CDH4: variants seen among roughly 807,000 people sequenced by gnomAD.
CDH4 encodes cadherin-4.
A neutral mutation model predicts 86.0 loss-of-function variants in CDH4; 33 were observed. The observed-to-expected ratio is 0.38, with a 90% CI of 0.29 to 0.51. CDH4 has a LOEUF of 0.51. Among genes scored for constraint, CDH4 ranks in the 20% least tolerant of loss-of-function variants. The pLI, the probability that CDH4 is intolerant of heterozygous loss-of-function variation, is 0.86. For synonymous variants in CDH4, 555 were observed against 549.4 expected (o/e 1.01, Z -0.14); for missense variants, 1,114 against 1,307.4 (o/e 0.85, Z 2.28).
intron 7 of CDH4, among the ~76,000 whole-genome samples, chr20:61,887,270 T>G (rs1466472903): frequency 6.6e-6 from 1 of 151,952 alleles, no homozygotes; most frequent in Non-Finnish European, 1.5e-5. Context: ...CTTCCGGGGG[T>G]CCCCTGGGAG....
intron 2 of CDH4, among the ~76,000 whole-genome samples, chr20:61,605,955 T>C (rs566487105): frequency 1.7e-3 from 250 of 150,136 alleles, no homozygotes; most frequent in African/African-American, 5.9e-3. Flanking sequence ...GACCTCAGCA[T>C]GATTTGCCCC....
At chr20:61,476,159 A>G (rs2085534766) in intron 2 of CDH4, among the ~76,000 whole-genome samples, 1 of 152,142 alleles carries the variant, frequency 6.6e-6, no homozygotes, top group South Asian at 2.1e-4. Context: ...CAACCACATC[A>G]TTTTCACACT....
At chr20:61,531,862 C>T (rs892360488) in intron 2 of CDH4, among the ~76,000 whole-genome samples, 2 of 152,200 alleles carry the variant, frequency 1.3e-5, no homozygotes, top group African/African-American at 4.8e-5. Context: ...TGGGGAAGCA[C>T]AATTTTAAAA....
At chr20:61,753,549 C>G (rs1319085967) in intron 3 of CDH4, among the ~76,000 whole-genome samples, 1 of 152,168 alleles carries the variant, frequency 6.6e-6, no homozygotes, top group Admixed American at 6.5e-5. Flanking sequence ...TATTTCCCAC[C>G]GGAGGGCTGA....
At chr20:61,889,018 C>T (rs1984668912) in intron 7 of CDH4, among the ~76,000 whole-genome samples, 1 of 152,242 alleles carries the variant, frequency 6.6e-6, no homozygotes, top group Non-Finnish European at 1.5e-5. Context: ...TCTCCCCTCC[C>T]TCACGGCCTC....
chr20:61,335,976 C>T (rs1340195622), intron 2 of CDH4, among the ~76,000 whole-genome samples: 1 of 152,102 alleles, frequency 6.6e-6, no homozygotes, highest in Non-Finnish European at 1.5e-5. Flanking sequence ...AAACGCGGCC[C>T]ACATCATGAT....
intron 2 of CDH4, among the ~76,000 whole-genome samples, chr20:61,578,490 G>A (rs948102347): frequency 6.6e-6 from 1 of 152,164 alleles, no homozygotes; most frequent in Admixed American, 6.5e-5. Flanking sequence ...GAAAATTATA[G>A]AACCATCATT....
intron 2 of CDH4, among the ~76,000 whole-genome samples, chr20:61,459,087 C>G (rs2085427175): frequency 1.3e-5 from 2 of 152,172 alleles, no homozygotes; most frequent in South Asian, 4.2e-4. Context: ...CAGTTTGCAG[C>G]TCACACTGTG....
chr20:61,692,623 G>A (rs866434145), intron 2 of CDH4, among the ~76,000 whole-genome samples: 1 of 152,190 alleles, frequency 6.6e-6, no homozygotes, highest in Admixed American at 6.5e-5. Flanking sequence ...TCAGATCTGT[G>A]TCCGTGCGAG....
chr20:61,433,696 TGTGCCCAGGCTCCC>T (rs1213402756), intron 2 of CDH4, among the ~76,000 whole-genome samples: 3 of 152,180 alleles, frequency 2.0e-5, no homozygotes, highest in African/African-American at 7.2e-5. Flanking sequence ...TGGTGGCGCA[TGTGCCCAGGCTCCC>T]GTCGGTCCCT....
At chr20:61,548,294 G>A (rs1206501568) in intron 2 of CDH4, among the ~76,000 whole-genome samples, 3 of 152,212 alleles carry the variant, frequency 2.0e-5, no homozygotes, top group Non-Finnish European at 4.4e-5. Flanking sequence ...GAGGGGAGCT[G>A]AGAGGGCTCC....
rs374793512 is a variant in CDH4 at position 61,675,208 on chromosome 20, G to A, written c.170-68355G>A. Among the ~76,000 whole-genome samples the A allele has an allele frequency of 9.2e-5, 14 of 152,342 alleles. No individual in the cohort carries two copies. In the East Asian group the frequency reaches 1.5e-3, roughly 17 times the overall value. On this transcript the variant is annotated intron_variant, in intron 2 of 15. Coordinates refer to ENST00000614565, the MANE Select transcript of CDH4 (RefSeq NM_001794.5). ...GGACAGCTCAGGGACAGGGTTAGAC[G>A]GTGTTGTGCCCACCTCTGCTTTGGG...
At chr20:61,770,536 A>G (rs2088761816) in intron 3 of CDH4, among the ~76,000 whole-genome samples, 1 of 152,224 alleles carries the variant, frequency 6.6e-6, no homozygotes, top group South Asian at 2.1e-4. Context: ...TATACGCGTG[A>G]CGTTCTGTTG....
chr20:61,723,541 T>G (rs565608861), intron 2 of CDH4, among the ~76,000 whole-genome samples: 10 of 152,114 alleles, frequency 6.6e-5, no homozygotes, highest in Non-Finnish European at 1.5e-4. Context: ...CCCTAGGAGC[T>G]TCCATCCTCA....
intron 4 of CDH4, among the ~76,000 whole-genome samples, chr20:61,837,432 C>A (rs1216821830): frequency 6.6e-6 from 1 of 152,198 alleles, no homozygotes; most frequent in Non-Finnish European, 1.5e-5. Context: ...CCCGGGTCAT[C>A]ACTTACTCGT....
chr20:61,494,126 G>A (rs2085643102), intron 2 of CDH4, among the ~76,000 whole-genome samples: 3 of 152,316 alleles, frequency 2.0e-5, no homozygotes, highest in East Asian at 1.9e-4. Context: ...CAGTGGGGCC[G>A]AGCCGGGCTG....
chr20:61,861,081 G>A (rs184765096), intron 6 of CDH4, among the ~76,000 whole-genome samples: 5 of 152,268 alleles, frequency 3.3e-5, no homozygotes, highest in East Asian at 3.9e-4. Context: ...TGAAGCTCAC[G>A]CACCCGCACC....
chr20:61,765,684 C>T (rs1203731612), intron 3 of CDH4, among the ~76,000 whole-genome samples: 1 of 152,106 alleles, frequency 6.6e-6, no homozygotes, highest in Admixed American at 6.5e-5. Flanking sequence ...CTGGGCGTGG[C>T]ACATTTCAGG....
chr20:61,512,411 G>A (rs377622983), intron 2 of CDH4, among the ~76,000 whole-genome samples: 6 of 152,128 alleles, frequency 3.9e-5, no homozygotes, highest in Admixed American at 6.5e-5. Flanking sequence ...CTTCCAGGTC[G>A]CCCATTTCCA....
Sources: gnomAD v4.1 joint callset for allele counts (sites outside exome capture counted in the v4.1 genomes callset) on GRCh38, gnomAD v4.1.1 for gene constraint, MANE v1.5 for transcripts, NCBI Gene and HGNC (gene_info 2026-07-23, HGNC 2026-07-21) for gene names.